OSBPL8: variants seen among roughly 807,000 people sequenced by gnomAD.
The protein encoded by OSBPL8 is oxysterol-binding protein-related protein 8.
OSBPL8 carries 59 observed loss-of-function variants against 125.5 expected under a neutral mutation model. That is an observed-to-expected ratio of 0.47 (90% CI 0.38 to 0.58). The LOEUF is 0.58. OSBPL8 is among the 20% of genes least tolerant of loss of function. The pLI is 0.00. For missense variants in OSBPL8, 758 were observed against 1,047.8 expected (o/e 0.72, Z 3.82); for synonymous variants, 330 against 338.9 (o/e 0.97, Z 0.29).
chr12:76,366,993 C>T (rs989376070), intron 21 of OSBPL8, among the ~76,000 whole-genome samples: 2 of 152,164 alleles, frequency 1.3e-5, no homozygotes, highest in Non-Finnish European at 2.9e-5. Context: ...GTTCCACGTA[C>T]ACTTGAGAAG....
At chr12:76,448,081 T>C (rs1872930033) in intron 4 of OSBPL8, among the ~76,000 whole-genome samples, 2 of 152,208 alleles carry the variant, frequency 1.3e-5, no homozygotes, top group South Asian at 2.1e-4. Context: ...AAAGGTTTTA[T>C]GGTTACATAA....
intron 2 of OSBPL8, among the ~76,000 whole-genome samples, chr12:76,474,502 G>A (rs1476144884): frequency 6.6e-6 from 1 of 152,016 alleles, no homozygotes; most frequent in Non-Finnish European, 1.5e-5. Context: ...TTTGGGGGGA[G>A]GCAGAGTCTC....
chr12:76,429,656 A>G (rs1565890292), intron 4 of OSBPL8, among the ~76,000 whole-genome samples: 1 of 152,190 alleles, frequency 6.6e-6, no homozygotes, highest in Non-Finnish European at 1.5e-5. Flanking sequence ...TATGTTCTCA[A>G]TAAATTCAAA....
At chr12:76,442,009 A>G (rs1872242907) in intron 4 of OSBPL8, among the ~76,000 whole-genome samples, 1 of 152,216 alleles carries the variant, frequency 6.6e-6, no homozygotes, top group Non-Finnish European at 1.5e-5. Flanking sequence ...TGATGTGATT[A>G]TTAGGCATTG....
At chr12:76,432,278 T>C (rs1249306825) in intron 4 of OSBPL8, among the ~76,000 whole-genome samples, 1 of 152,152 alleles carries the variant, frequency 6.6e-6, no homozygotes, top group African/African-American at 2.4e-5. Flanking sequence ...ATGGTGATAA[T>C]GCCTACATTT....
Position 76,557,288 on chromosome 12 carries a change from CT to C in OSBPL8, c.-68+2108del, listed in dbSNP as rs567330930. On this transcript the variant is annotated intron_variant, in intron 1 of 23. Transcript: ENST00000261183. ...CAAACCAAAGCCAAGTTGAAATGTA[CT>C]AACACTGGTTAAAATTCTGCAATTC... 4.5e-3 allele frequency among the ~76,000 whole-genome samples: 678 copies of C among 152,250 alleles called. 9 individuals carry two copies. Among genetic ancestry groups the C allele is most frequent in the African/African-American group, 0.016 (651 of 41,542 alleles).
At chr12:76,553,097 A>G (rs138849703) in intron 1 of OSBPL8, among the ~76,000 whole-genome samples, 4 of 152,176 alleles carry the variant, frequency 2.6e-5, no homozygotes, top group African/African-American at 9.6e-5. Flanking sequence ...CTCACATCCA[A>G]AGCACCCCAC....
chr12:76,494,076 C>T (rs1217536447), intron 1 of OSBPL8, among the ~76,000 whole-genome samples: 1 of 152,066 alleles, frequency 6.6e-6, no homozygotes, highest in Non-Finnish European at 1.5e-5. Flanking sequence ...CTGTGTTCTC[C>T]TGTAGTTCAC....
intron 2 of OSBPL8, among the ~76,000 whole-genome samples, chr12:76,472,503 C>G (rs541110328): frequency 2.0e-5 from 3 of 152,072 alleles, no homozygotes; most frequent in Non-Finnish European, 4.4e-5. Flanking sequence ...CACCAAGACG[C>G]GGAGACTGGT....
At chr12:76,469,192 A>AT (rs1331832205) in intron 2 of OSBPL8, among the ~76,000 whole-genome samples, 2 of 151,924 alleles carry the variant, frequency 1.3e-5, no homozygotes, top group African/African-American at 4.8e-5. Flanking sequence ...CATTGACTTG[A>AT]TTTTTTAAAG....
At chr12:76,534,419 A>G (rs1457437159) in intron 1 of OSBPL8, 1 of 152,182 alleles carries the variant, frequency 6.6e-6, no homozygotes, top group Non-Finnish European at 1.5e-5. Context: ...TGCAACCCCA[A>G]TTTACTGACC....
At chr12:76,506,709 A>G (rs564601497) in intron 1 of OSBPL8, among the ~76,000 whole-genome samples, 1 of 152,342 alleles carries the variant, frequency 6.6e-6, no homozygotes, top group South Asian at 2.1e-4. Flanking sequence ...CACACCTTTG[A>G]TAACAGTTAA....
At chr12:76,454,988 A>G (rs948343586) in intron 3 of OSBPL8, among the ~76,000 whole-genome samples, 3 of 151,852 alleles carry the variant, frequency 2.0e-5, no homozygotes, top group Non-Finnish European at 4.4e-5. Flanking sequence ...TAATCCCAGC[A>G]CTCTGGGAGG....
intron 4 of OSBPL8, among the ~76,000 whole-genome samples, chr12:76,444,336 C>T (rs1021251637): frequency 1.3e-5 from 2 of 152,086 alleles, no homozygotes; most frequent in African/African-American, 4.8e-5. Flanking sequence ...CAATATAAAG[C>T]AGCATATTGT....
At chr12:76,394,484 T>TAA (rs1040804174) in intron 9 of OSBPL8, among the ~76,000 whole-genome samples, 161 bp downstream of exon 9, 1 of 152,170 alleles carries the variant, frequency 6.6e-6, no homozygotes, top group African/African-American at 2.4e-5. Context: ...TTTTGTCTAT[T>TAA]AAGTTACTCA....
In OSBPL8 at chr12:76,358,726, T is replaced by G. The variant is rs1029837099; in HGVS notation, c.2414A>C (p.Gln805Pro). ...KGYSSPEPDI[Q>P]DSSGSEAQSV... ...TTTACCTTCACTTCCAGAGGAGTCT[T>G]GAATGTCAGGTTCTGGGGAGGAATA... is the stretch of plus-strand genomic sequence containing the variant. Residue 805 changes from glutamine (Q) to proline (P), a missense_variant, in exon 22 of 24, where the codon CAA (glutamine) becomes CCA (proline). Transcript: ENST00000261183. 9.3e-6 allele frequency: 15 copies of G among 1,613,134 alleles called. No homozygotes were observed. The highest frequency in any genetic ancestry group is 9.3e-6 in the Non-Finnish European group (11 of 1,179,198).
intron 1 of OSBPL8, among the ~76,000 whole-genome samples, chr12:76,549,044 AAG>A (rs1432670314): frequency 2.0e-5 from 3 of 152,154 alleles, no homozygotes; most frequent in Non-Finnish European, 4.4e-5. Flanking sequence ...GGAAAAGAAA[AAG>A]AGAACAACAA....
At chr12:76,500,222 T>C (rs1879761100) in intron 1 of OSBPL8, among the ~76,000 whole-genome samples, 1 of 152,236 alleles carries the variant, frequency 6.6e-6, no homozygotes, top group African/African-American at 2.4e-5. Context: ...TTGCTTGCTT[T>C]CTCTGACCCT....
At chr12:76,408,494 A>G (rs1289865424) in intron 5 of OSBPL8, among the ~76,000 whole-genome samples, 1 of 150,758 alleles carries the variant, frequency 6.6e-6, no homozygotes, top group African/African-American at 2.4e-5. Context: ...GTAGCTATTA[A>G]TATCATTGTA....
Sources: gnomAD v4.1 joint callset for allele counts (sites outside exome capture counted in the v4.1 genomes callset) on GRCh38, gnomAD v4.1.1 for gene constraint, MANE v1.5 for transcripts, NCBI Gene and HGNC (gene_info 2026-07-23, HGNC 2026-07-21) for gene names.